The following MAP4K4 variants were observed in gnomAD, a reference collection of about 807,000 sequenced individuals.
The protein encoded by MAP4K4 is HPK/GCK-like kinase HGK.
In MAP4K4, 38 loss-of-function variants were observed where a neutral mutation model predicts 189.6. That is an observed-to-expected ratio of 0.20 (90% CI 0.15 to 0.26). The LOEUF is 0.26. Among genes scored for constraint, MAP4K4 ranks in the 10% least tolerant of loss-of-function variants. The pLI is 1.00. For missense variants in MAP4K4, 1,054 were observed against 1,726.9 expected, an observed-to-expected ratio of 0.61 and a Z score of 6.91; for synonymous variants, 610 against 624.3, an observed-to-expected ratio of 0.98 and a Z score of 0.34.
At chr2:101,763,665 C>A (rs1158592400) in intron 2 of MAP4K4, among the ~76,000 whole-genome samples, 1 of 152,048 alleles carries the variant, frequency 6.6e-6, no homozygotes, top group Admixed American at 6.6e-5. Context: ...CACAGAAGGC[C>A]CTGGCATTCA....
At chr2:101,764,786 C>T (rs544565942) in intron 2 of MAP4K4, among the ~76,000 whole-genome samples, 3 of 152,212 alleles carry the variant, frequency 2.0e-5, no homozygotes, top group African/African-American at 7.2e-5. Flanking sequence ...GGCTCATCTC[C>T]TTCTTTTTGT....
intron 2 of MAP4K4, among the ~76,000 whole-genome samples, chr2:101,756,352 C>G (rs1017235411): frequency 2.0e-5 from 3 of 152,166 alleles, no homozygotes; most frequent in Admixed American, 1.3e-4. Flanking sequence ...AAGAGGGAAT[C>G]TGGAAGCTGA....
intron 23 of MAP4K4, 35 bp downstream of exon 23, chr2:101,870,450 T>C (rs1311158832): frequency 6.2e-7 from 1 of 1,611,226 alleles, no homozygotes; most frequent in Non-Finnish European, 8.5e-7. Flanking sequence ...GAGGCTGAGC[T>C]TCTCCTGTGG....
At chr2:101,789,322 A>G (rs796157700) in intron 2 of MAP4K4, among the ~76,000 whole-genome samples, 7 of 152,282 alleles carry the variant, frequency 4.6e-5, no homozygotes, top group African/African-American at 1.7e-4. Context: ...GGCAGTCACA[A>G]CTATAGGAGC....
intron 2 of MAP4K4, among the ~76,000 whole-genome samples, chr2:101,774,685 A>C (rs2083086950): frequency 6.6e-6 from 1 of 152,206 alleles, no homozygotes; most frequent in African/African-American, 2.4e-5. Context: ...CATAAAGTTA[A>C]ATTGACTTAG....
chr2:101,723,983 T>A (rs2149478932), intron 2 of MAP4K4, among the ~76,000 whole-genome samples: 1 of 152,338 alleles, frequency 6.6e-6, no homozygotes, highest in East Asian at 1.9e-4. Flanking sequence ...TCCCTGTAAC[T>A]TCTGCTCTAG....
chr2:101,886,052 G>A (rs897579614), intron 29 of MAP4K4, among the ~76,000 whole-genome samples: 2 of 152,068 alleles, frequency 1.3e-5, no homozygotes, highest in Non-Finnish European at 2.9e-5. Flanking sequence ...CTTACTGCTT[G>A]ATTTCCCAGT....
At chr2:101,871,410 C>T in intron 23 of MAP4K4, 84 bp from the exon 24 acceptor site, 1 of 1,081,068 alleles carries the variant, frequency 9.3e-7, no homozygotes, top group East Asian at 2.7e-5. Flanking sequence ...ATAAGTCACA[C>T]AGCACCTTAA....
chr2:101,721,385 C>T (rs2051850204), intron 2 of MAP4K4, among the ~76,000 whole-genome samples: 1 of 151,026 alleles, frequency 6.6e-6, no homozygotes, highest in African/African-American at 2.4e-5. Flanking sequence ...AAGAAAGAGC[C>T]TGTCTGAAAT....
chr2:101,793,008 A>G (rs2148843708), intron 3 of MAP4K4, among the ~76,000 whole-genome samples: 1 of 152,316 alleles, frequency 6.6e-6, no homozygotes, highest in South Asian at 2.1e-4. Context: ...GAACATAGCT[A>G]TAAAATACAT....
chr2:101,795,026 T>C (rs1046573880), intron 3 of MAP4K4, among the ~76,000 whole-genome samples: 2 of 152,214 alleles, frequency 1.3e-5, no homozygotes, highest in Admixed American at 6.5e-5. Context: ...AGTGGTGGTA[T>C]TGGGTACTTC....
At chr2:101,870,472 C>A in intron 23 of MAP4K4, 57 bp downstream of exon 23, 1 of 1,599,732 alleles carries the variant, frequency 6.3e-7, no homozygotes, top group Non-Finnish European at 8.5e-7. Flanking sequence ...CATTAACCCA[C>A]TTGCTCATTC....
rs2094920289 is a variant in MAP4K4, at chr2:101,806,291, T to C, written c.180+15515T>C. 2.0e-5 allele frequency among the ~76,000 whole-genome samples: 3 copies of C among 152,082 alleles called. No individual in the cohort carries two copies. In the South Asian group the frequency reaches 6.2e-4, roughly 31 times the overall value. On this transcript the variant is annotated intron_variant, in intron 3 of 32. Coordinates refer to ENST00000324219, the Ensembl canonical transcript of MAP4K4. Reference sequence around the variant, plus strand: ...ATGAGTCATCTTCCCCCCAGGCCCCTTGGGGATCTTTCTTTCGTGAATGAG... The same window carrying C: ...ATGAGTCATCTTCCCCCCAGGCCCCCTGGGGATCTTTCTTTCGTGAATGAG...
At chr2:101,873,902 C>T in intron 25 of MAP4K4, 138 bp downstream of exon 25, 3 of 788,868 alleles carry the variant, frequency 3.8e-6, no homozygotes, top group Non-Finnish European at 6.1e-6. Context: ...AGTTGTATGC[C>T]TTATTTGCAA....
intron 2 of MAP4K4, among the ~76,000 whole-genome samples, chr2:101,779,357 A>G (rs2086077674): frequency 1.3e-5 from 2 of 152,194 alleles, no homozygotes; most frequent in South Asian, 4.1e-4. Context: ...CACTGACTTT[A>G]TCAACTCCAC....
chr2:101,890,854 G>A (rs1447977163), intron 32 of MAP4K4, among the ~76,000 whole-genome samples: 3 of 151,238 alleles, frequency 2.0e-5, no homozygotes, highest in Non-Finnish European at 2.9e-5. Context: ...TCCACCTCCC[G>A]GGTTCAAGTG....
chr2:101,774,178 A>G (rs1483756962), intron 2 of MAP4K4, among the ~76,000 whole-genome samples: 5 of 152,214 alleles, frequency 3.3e-5, no homozygotes. Flanking sequence ...CGTTACCACC[A>G]ACAGTGTATG....
chr2:101,811,643 G>C (rs1444655811), intron 3 of MAP4K4, among the ~76,000 whole-genome samples: 1 of 151,984 alleles, frequency 6.6e-6, no homozygotes, highest in South Asian at 2.1e-4. Flanking sequence ...CTCTCTCCCT[G>C]TCCTGCCCCT....
chr2:101,710,287 A>G (rs1347200103), intron 2 of MAP4K4, among the ~76,000 whole-genome samples: 1 of 152,256 alleles, frequency 6.6e-6, no homozygotes, highest in Non-Finnish European at 1.5e-5. Context: ...TGAACTTGGC[A>G]TATTAGAGCA....
Sources: allele counts gnomAD v4.1 joint callset (sites outside exome capture counted in the v4.1 genomes callset), GRCh38; gene constraint gnomAD v4.1.1; transcripts MANE v1.5; gene names NCBI Gene and HGNC (gene_info 2026-07-23, HGNC 2026-07-21).